LRIG1: variants seen among roughly 807,000 people sequenced by gnomAD.
LRIG1 encodes leucine rich repeats and immunoglobulin like domains 1.
A neutral mutation model predicts 99.2 loss-of-function variants in LRIG1; 48 were observed. The observed-to-expected ratio is 0.48, with a 90% confidence interval of 0.38 to 0.62. The LOEUF is 0.62. LRIG1 is among the 20% of genes least tolerant of loss of function. The pLI is 0.00. For synonymous variants in LRIG1, 772 were observed against 596.1 expected (o/e 1.29, Z -4.30); for missense variants, 1,646 against 1,434.4 (o/e 1.15, Z -2.38).
intron 8 of LRIG1, chr3:66,406,300 C>T (rs754002165): frequency 2.5e-4 from 247 of 985,432 alleles, no homozygotes; most frequent in Non-Finnish European, 2.9e-4. Context: ...ACCAGGGACC[C>T]GGGGCTGTGG....
chr3:66,416,999 C>A, intron 4 of LRIG1, 130 bp downstream of exon 4: 2 of 1,257,026 alleles, frequency 1.6e-6, no homozygotes, highest in Non-Finnish European at 2.2e-6. Context: ...ACCATCCCCA[C>A]TGACTCGGCC....
At chr3:66,411,133 G>A (rs987519402) in intron 6 of LRIG1, among the ~76,000 whole-genome samples, 9 of 152,180 alleles carry the variant, frequency 5.9e-5, no homozygotes, top group Admixed American at 2.0e-4. Context: ...CAGGCCCACC[G>A]TGTAAGTGTG....
In LRIG1 at chr3:66,381,635, C is replaced by T; in HGVS notation, c.2618-4G>A. 1 of 1,611,492 alleles carries T rather than the reference C, an allele frequency of 6.2e-7. No homozygotes were observed. Among genetic ancestry groups the T allele is most frequent in the South Asian group, 1.1e-5 (1 of 90,988 alleles). On this transcript the variant is annotated splice_polypyrimidine_tract_variant and splice_region_variant and intron_variant, in intron 16 of 18. Coordinates refer to ENST00000273261, the MANE Select transcript of LRIG1 (RefSeq NM_015541.3). ...CTTGCATCTCTTGGACACACACCTG[C>T]AAGTGGATTCCAACACGATTAGAAA...
At chr3:66,418,083 TTTTTG>T (rs1342709570) in intron 3 of LRIG1, among the ~76,000 whole-genome samples, 37 of 151,538 alleles carry the variant, frequency 2.4e-4, no homozygotes, top group African/African-American at 8.2e-4. Context: ...TTGTGTTTTT[TTTTTG>T]TTTTGTTTTT....
At position 66,380,380 on chromosome 3, in the gene LRIG1, C is replaced by G; in HGVS notation, c.3165G>C (p.Leu1055Phe). The G allele has an allele frequency of 6.2e-7, 1 of 1,614,158 alleles. No homozygotes were observed. The highest frequency in any genetic ancestry group is 8.5e-7 in the Non-Finnish European group (1 of 1,180,020). The change falls in exon 19 of 19, where the codon TTG becomes TTC. Residue 1055 changes from leucine to phenylalanine, a missense_variant. Physicochemically the swap from Leu to Phe is conservative, Grantham distance 22. Transcript: ENST00000273261. The part of the protein sequence containing the change: ...GSPERAEAQY[L>F]LVSNGHLPKA... ...TGGGGAGGTGGCCATTGGAAACAAG[C>G]AAGTACTGGGCTTCCGCGCGCTCTG...
At chr3:66,423,141 T>C (rs1702871514) in intron 3 of LRIG1, among the ~76,000 whole-genome samples, 1 of 152,140 alleles carries the variant, frequency 6.6e-6, no homozygotes, top group African/African-American at 2.4e-5. Context: ...AGGTATGAAG[T>C]TTTAGTTTTG....
intron 2 of LRIG1, among the ~76,000 whole-genome samples, chr3:66,456,017 A>G (rs910635575): frequency 6.6e-6 from 1 of 152,246 alleles, no homozygotes; most frequent in Non-Finnish European, 1.5e-5. Flanking sequence ...TTAAGAAAGG[A>G]AACTGAGGCA....
intron 2 of LRIG1, among the ~76,000 whole-genome samples, chr3:66,456,879 G>A (rs1340083392): frequency 6.6e-6 from 1 of 152,202 alleles, no homozygotes; most frequent in Non-Finnish European, 1.5e-5. Flanking sequence ...ATCTACAGAG[G>A]ACTGTATAAA....
At chr3:66,478,055 AT>A (rs2106886076) in intron 1 of LRIG1, among the ~76,000 whole-genome samples, 1 of 152,334 alleles carries the variant, frequency 6.6e-6, no homozygotes, top group African/African-American at 2.4e-5. Context: ...CATAAGTCTT[AT>A]GAAAGAGGTT....
intron 1 of LRIG1, among the ~76,000 whole-genome samples, chr3:66,475,420 G>A (rs758175152): frequency 3.9e-5 from 6 of 152,186 alleles, no homozygotes; most frequent in Admixed American, 3.9e-4. Flanking sequence ...GCAGTTTGCT[G>A]GAAAAGGCAG....
chr3:66,401,974 T>C (rs1250483056), intron 9 of LRIG1, among the ~76,000 whole-genome samples: 1 of 152,094 alleles, frequency 6.6e-6, no homozygotes, highest in Non-Finnish European at 1.5e-5. Context: ...ACATGTGCAC[T>C]AGCCCCCGCT....
In LRIG1 at chr3:66,412,963, C is replaced by A; in HGVS notation, c.699G>T (p.Gly233=). 1.2e-6 allele frequency: 2 copies of A among 1,614,240 alleles called. No individual in the cohort carries two copies. Among genetic ancestry groups the A allele is most frequent in the Middle Eastern group, 3.3e-4 (2 of 6,062 alleles). Residue 233 remains glycine (G), a synonymous_variant, in exon 6 of 19, where the codon GGG becomes GGT. Transcript: ENST00000273261. ...GCTTCAGCACCTCCAAGCTGTTGAG[C>A]CCCTGGAAGGTGAGGCCCTCTATCA... The part of the protein sequence containing the change: ...IRLIEGLTFQ[G]LNSLEVLKLQ...
At chr3:66,452,135 C>T (rs532630374) in intron 2 of LRIG1, among the ~76,000 whole-genome samples, 32 of 152,152 alleles carry the variant, frequency 2.1e-4, no homozygotes, top group African/African-American at 7.5e-4. Flanking sequence ...AACAAGGGAA[C>T]TGGACTCAGA....
intron 1 of LRIG1, among the ~76,000 whole-genome samples, chr3:66,488,628 C>T (rs1276783305): frequency 6.6e-6 from 1 of 152,114 alleles, no homozygotes; most frequent in Non-Finnish European, 1.5e-5. Context: ...CAGAGTGAGA[C>T]TCTGCCTCAA....
chr3:66,467,103 T>C (rs1219298325), intron 1 of LRIG1, among the ~76,000 whole-genome samples: 1 of 152,160 alleles, frequency 6.6e-6, no homozygotes, highest in Non-Finnish European at 1.5e-5. Flanking sequence ...TCAAGTTTTA[T>C]CCAGGCGTGT....
At chr3:66,383,496 A>G (rs902273607) in intron 14 of LRIG1, 95 bp from the exon 15 acceptor site, 14 of 1,076,908 alleles carry the variant, frequency 1.3e-5, no homozygotes, top group African/African-American at 4.7e-5. Flanking sequence ...CAACATATCA[A>G]TGAGATGCAT....
chr3:66,409,188 A>G (rs1006390395), intron 7 of LRIG1, among the ~76,000 whole-genome samples: 7 of 152,274 alleles, frequency 4.6e-5, no homozygotes, highest in African/African-American at 1.7e-4. Flanking sequence ...CTAGAAAAGG[A>G]AGAAAAAAAC....
Position 66,405,189 on chromosome 3 carries a change from G to C in LRIG1, c.1160+9C>G. The C allele has an allele frequency of 6.2e-7, 1 of 1,613,568 alleles. No homozygotes were observed. Among genetic ancestry groups the C allele is most frequent in the Non-Finnish European group, 8.5e-7 (1 of 1,179,582 alleles). On this transcript the variant is annotated intron_variant, in intron 9 of 18. Coordinates refer to ENST00000273261, the MANE Select transcript of LRIG1 (RefSeq NM_015541.3). ...TTTGCCGGCGGAGCTCCGTGCGGCG[G>C]ATACTCACAGCTTGCTGAGGCTGTC...
chr3:66,489,157 T>C (rs866063475), intron 1 of LRIG1, among the ~76,000 whole-genome samples: 4 of 152,318 alleles, frequency 2.6e-5, no homozygotes, highest in Middle Eastern at 3.4e-3. Flanking sequence ...GGGTCCCTCA[T>C]TGAGACTCTG....
Sources: allele counts gnomAD v4.1 joint callset (sites outside exome capture counted in the v4.1 genomes callset), GRCh38; gene constraint gnomAD v4.1.1; transcripts MANE v1.5; gene names NCBI Gene and HGNC (gene_info 2026-07-23, HGNC 2026-07-21).